Variants in VAV3 observed in about 807,000 individuals in gnomAD.
The protein encoded by VAV3 is vav guanine nucleotide exchange factor 3.
In VAV3, 94 loss-of-function variants were observed where a neutral mutation model predicts 131.2. The observed-to-expected ratio is 0.72, with a 90% CI of 0.61 to 0.85. The LOEUF is 0.85. VAV3 is among the 40% of genes least tolerant of loss of function. The pLI is 0.00. For missense variants in VAV3, 939 were observed against 1,002.7 expected (o/e 0.94, Z 0.86); for synonymous variants, 349 against 342.0 (o/e 1.02, Z -0.22).
At chr1:107,733,699 T>G (rs1188450475) in intron 15 of VAV3, among the ~76,000 whole-genome samples, 1 of 151,434 alleles carries the variant, frequency 6.6e-6, no homozygotes, top group Non-Finnish European at 1.5e-5. Context: ...GAAAAAAAAG[T>G]AAAAAGAAAC....
intron 20 of VAV3, among the ~76,000 whole-genome samples, chr1:107,618,608 T>C (rs1294649236): frequency 1.3e-5 from 2 of 152,210 alleles, no homozygotes; most frequent in African/African-American, 4.8e-5. Context: ...CTCTGAGTGT[T>C]TTATTTAATC....
At chr1:107,629,004 A>C (rs1654244903) in intron 20 of VAV3, among the ~76,000 whole-genome samples, 1 of 152,228 alleles carries the variant, frequency 6.6e-6, no homozygotes, top group Non-Finnish European at 1.5e-5. Context: ...TAAGTTATTT[A>C]ACTTGCATTG....
chr1:107,596,283 G>C lies in VAV3; in HGVS notation c.2279C>G (p.Thr760Arg), dbSNP rs891490780. 1 of 1,613,620 alleles carries C rather than the reference G, an allele frequency of 6.2e-7. No individual in the cohort carries two copies. Among genetic ancestry groups the C allele is most frequent in the Non-Finnish European group, 8.5e-7 (1 of 1,179,606 alleles). ...SLKEGFRTLD[T>R]TLQFPYKEPE... ...CTCCTTGTATGGAAACTGCAGAGTT[G>C]TATCTAAGGTTCTGAACCCTTCCTT... The change falls in exon 25 of 27, where the codon ACA (threonine) becomes AGA (arginine). Residue 760 changes from threonine (T) to arginine (R), a missense_variant. Physicochemically the swap from Thr to Arg is moderately conservative, Grantham distance 71. Coordinates refer to ENST00000370056, the MANE Select transcript of VAV3 (RefSeq NM_006113.5).
intron 17 of VAV3, among the ~76,000 whole-genome samples, chr1:107,694,228 C>A (rs984472918): frequency 6.6e-6 from 1 of 152,082 alleles, no homozygotes; most frequent in African/African-American, 2.4e-5. Flanking sequence ...GGTCAAGGTA[C>A]GGTTAATGAT....
In VAV3 at chr1:107,617,432, AAAT is replaced by A. The variant is rs1349258364; in HGVS notation, c.1980+132_1980+134del. ...GACAATAGAACTATAATGATGTTGA[AAAT>A]AATGATTCTTCCAGAAAATATTAAT... On this transcript the variant is annotated intron_variant, in intron 21 of 26. Transcript: ENST00000370056. 2.6e-5 allele frequency: 18 copies of A among 702,268 alleles called. No individual in the cohort carries two copies. The African/African-American group carries it at 3.1e-4, about 12-fold the overall frequency. The allele number at this position is 702,268 out of a possible 1,614,324, so 43.5% of individuals were successfully genotyped here.
chr1:107,771,664 T>C (rs574224442), intron 5 of VAV3, among the ~76,000 whole-genome samples: 75 of 152,296 alleles, frequency 4.9e-4, no homozygotes, highest in African/African-American at 1.7e-3. Context: ...GTAAATAAGA[T>C]AAACAGTATA....
intron 1 of VAV3, among the ~76,000 whole-genome samples, chr1:107,947,771 A>G (rs1355644889): frequency 6.6e-6 from 1 of 152,182 alleles, no homozygotes; most frequent in Non-Finnish European, 1.5e-5. Context: ...ATTAAAAAAT[A>G]TCTAGCATTC....
intron 25 of VAV3, among the ~76,000 whole-genome samples, chr1:107,590,519 T>C (rs1466269641): frequency 1.3e-5 from 2 of 152,186 alleles, no homozygotes; most frequent in African/African-American, 4.8e-5. Context: ...TATTAATGAT[T>C]CATAAAATTC....
chr1:107,897,340 G>C (rs1671637044), intron 1 of VAV3: 1 of 151,374 alleles, frequency 6.6e-6, no homozygotes, highest in South Asian at 2.1e-4. Context: ...TGTCTTAAAA[G>C]ATCAGCTTTT....
At chr1:107,596,503 G>T (rs1203638918) in intron 24 of VAV3, among the ~76,000 whole-genome samples, 162 bp from the exon 25 acceptor site, 1 of 152,116 alleles carries the variant, frequency 6.6e-6, no homozygotes, top group Non-Finnish European at 1.5e-5. Flanking sequence ...CTGCTGTCTG[G>T]ATGTACATGA....
intron 2 of VAV3, among the ~76,000 whole-genome samples, chr1:107,862,147 G>T (rs1298003453): frequency 6.6e-6 from 1 of 151,516 alleles, no homozygotes; most frequent in Admixed American, 6.6e-5. Flanking sequence ...AGACACAGGT[G>T]CTTTAAGTGG....
At chr1:107,596,027 A>C (rs1405927274) in intron 25 of VAV3, among the ~76,000 whole-genome samples, 185 bp downstream of exon 25, 1 of 152,186 alleles carries the variant, frequency 6.6e-6, no homozygotes, top group Non-Finnish European at 1.5e-5. Context: ...ATAAAGATCT[A>C]TAATTAGACA....
chr1:107,964,519 A>T, intron 1 of VAV3, 147 bp downstream of exon 1: 1 of 838,196 alleles, frequency 1.2e-6, no homozygotes, highest in East Asian at 2.8e-5. Flanking sequence ...GAAACGCCAA[A>T]GTGGTGCCGA....
At chr1:107,717,988 T>C (rs941672047) in intron 15 of VAV3, among the ~76,000 whole-genome samples, 1 of 152,300 alleles carries the variant, frequency 6.6e-6, no homozygotes, top group South Asian at 2.1e-4. Context: ...TTTACCATTA[T>C]GTAATGGCCT....
At chr1:107,843,365 A>AATATATATAT (rs34150658) in intron 2 of VAV3, among the ~76,000 whole-genome samples, 60 of 139,968 alleles carry the variant, frequency 4.3e-4, no homozygotes, top group Middle Eastern at 3.6e-3. Flanking sequence ...GCACAACACA[A>AATATATATAT]ATATATATAT....
At chr1:107,953,147 T>C (rs772097088) in intron 1 of VAV3, among the ~76,000 whole-genome samples, 2 of 152,182 alleles carry the variant, frequency 1.3e-5, no homozygotes, top group Non-Finnish European at 2.9e-5. Context: ...ATTAGGACAG[T>C]TGGACTCAAG....
intron 19 of VAV3, among the ~76,000 whole-genome samples, chr1:107,652,270 G>A (rs1472841276): frequency 6.6e-6 from 1 of 152,086 alleles, no homozygotes; most frequent in Non-Finnish European, 1.5e-5. Context: ...CAAATGCCAT[G>A]GCAATGTCAG....
At chr1:107,734,974 A>C (rs139972216) in intron 15 of VAV3, among the ~76,000 whole-genome samples, 3,195 of 152,352 alleles carry the variant, frequency 0.021, 51 homozygotes, top group Middle Eastern at 0.031. Flanking sequence ...ACTCCTCAGC[A>C]AATGTAAAAG....
At chr1:107,844,322 C>T (rs1668863560) in intron 2 of VAV3, among the ~76,000 whole-genome samples, 2 of 152,158 alleles carry the variant, frequency 1.3e-5, no homozygotes, top group South Asian at 2.1e-4. Flanking sequence ...CTTCGCAACC[C>T]AAAGAACAGG....
Sources: gnomAD v4.1 joint callset for allele counts (sites outside exome capture counted in the v4.1 genomes callset) on GRCh38, gnomAD v4.1.1 for gene constraint, MANE v1.5 for transcripts, NCBI Gene and HGNC (gene_info 2026-07-23, HGNC 2026-07-21) for gene names.